The following FGF14 variants were observed in gnomAD, a reference collection of about 807,000 sequenced individuals.
The protein encoded by FGF14 is fibroblast growth factor 14, also known as fibroblast growth factor homologous factor 4.
In FGF14, 5 loss-of-function variants were observed where a neutral mutation model predicts 25.5. That is an observed-to-expected ratio of 0.20 (90% CI 0.10 to 0.41). The LOEUF (loss-of-function observed/expected upper bound fraction) is 0.41, where lower values mean the gene tolerates loss of function less well. FGF14 is among the 10% of genes least tolerant of loss of function. The probability of loss-of-function intolerance (pLI) is 1.00; values close to 1 mark genes in which losing one functional copy is unlikely to be tolerated. For synonymous variants in FGF14, 138 were observed against 118.3 expected (o/e 1.17, Z -1.08); for missense variants, 222 against 320.1 (o/e 0.69, Z 2.34).
intron 1 of FGF14, among the ~76,000 whole-genome samples, chr13:102,361,123 T>A (rs976115869): frequency 1.3e-5 from 2 of 152,170 alleles, no homozygotes; most frequent in Non-Finnish European, 2.9e-5. Context: ...AGTTATATAA[T>A]ACAGCAATAT....
chr13:102,063,988 T>A (rs1158252717), intron 1 of FGF14, among the ~76,000 whole-genome samples: 3 of 152,218 alleles, frequency 2.0e-5, no homozygotes, highest in Non-Finnish European at 4.4e-5. Context: ...CCATACTTGC[T>A]ATAATTAAAA....
intron 3 of FGF14, among the ~76,000 whole-genome samples, chr13:101,835,154 T>C (rs565959770): frequency 1.3e-5 from 2 of 152,056 alleles, no homozygotes; most frequent in African/African-American, 4.8e-5. Flanking sequence ...GATTGATACA[T>C]TGGAGTTGGA....
chr13:101,893,679 T>C (rs1401950601), intron 1 of FGF14, among the ~76,000 whole-genome samples: 4 of 152,172 alleles, frequency 2.6e-5, no homozygotes, highest in Non-Finnish European at 5.9e-5. Flanking sequence ...ATAAGGAATG[T>C]AGATGGCCTC....
chr13:102,381,229 A>G (rs534981568), intron 1 of FGF14, among the ~76,000 whole-genome samples: 3 of 152,332 alleles, frequency 2.0e-5, no homozygotes, highest in Non-Finnish European at 2.9e-5. Context: ...CCATCTGTAC[A>G]TAAAAATTGC....
chr13:102,004,962 C>T (rs925037538), intron 1 of FGF14, among the ~76,000 whole-genome samples: 10 of 152,156 alleles, frequency 6.6e-5, no homozygotes, highest in Non-Finnish European at 1.2e-4. Context: ...TTAATTAAAC[C>T]TCTTTCCTTT....
Position 102,012,186 on chromosome 13 carries a change from A to G in FGF14, c.209-136890T>C, listed in dbSNP as rs10508081. Among the ~76,000 whole-genome samples, 491 of 152,274 alleles carry G rather than the reference A, an allele frequency of 3.2e-3. 12 individuals are homozygous for G. Among genetic ancestry groups the G allele is most frequent in the Admixed American group, 0.026 (404 of 15,290 alleles). ...AGTGACCTGAAAATGCCTTGTGGAA[A>G]TGGACAGAAGAGAAGGAGGGGCTGG... On this transcript the variant is annotated intron_variant, in intron 1 of 4. Coordinates refer to the FGF14 transcript ENST00000376131.
At chr13:101,941,514 G>A (rs1230725355) in intron 1 of FGF14, among the ~76,000 whole-genome samples, 1 of 152,138 alleles carries the variant, frequency 6.6e-6, no homozygotes, top group South Asian at 2.1e-4. Context: ...TAAAAGGAGA[G>A]TAACAAACTG....
intron 1 of FGF14, among the ~76,000 whole-genome samples, chr13:102,100,265 C>A (rs2044595526): frequency 6.6e-6 from 1 of 152,120 alleles, no homozygotes; most frequent in Non-Finnish European, 1.5e-5. Context: ...AAAAAGCTGC[C>A]TTTCAAGATC....
intron 1 of FGF14, chr13:102,401,438 G>A: frequency 6.2e-7 from 1 of 1,600,232 alleles, no homozygotes; most frequent in Non-Finnish European, 8.6e-7. Flanking sequence ...GTTATTATGA[G>A]GAAAAACATA....
intron 3 of FGF14, among the ~76,000 whole-genome samples, chr13:101,839,973 G>A (rs1026743422): frequency 6.6e-6 from 1 of 151,952 alleles, no homozygotes; most frequent in Non-Finnish European, 1.5e-5. Flanking sequence ...TGGCTGATCT[G>A]TTTTTGTGTC....
At chr13:101,787,072 T>G (rs557678285) in intron 3 of FGF14, among the ~76,000 whole-genome samples, 12 of 152,290 alleles carry the variant, frequency 7.9e-5, no homozygotes, top group African/African-American at 2.9e-4. Flanking sequence ...CAAGGCTAAT[T>G]CTGCTCTTTA....
intron 1 of FGF14, among the ~76,000 whole-genome samples, chr13:102,354,471 C>T (rs1160715762): frequency 6.6e-6 from 1 of 152,138 alleles, no homozygotes; most frequent in African/African-American, 2.4e-5. Context: ...AGCCTCCTAC[C>T]CACTGCAAGT....
intron 1 of FGF14, among the ~76,000 whole-genome samples, chr13:102,268,139 A>G (rs868670352): frequency 3.3e-5 from 5 of 152,152 alleles, no homozygotes; most frequent in Middle Eastern, 3.2e-3. Context: ...CCTTAAGGAC[A>G]CAAAAATGTG....
At chr13:101,780,802 CA>C in intron 3 of FGF14, among the ~76,000 whole-genome samples, 1 of 152,064 alleles carries the variant, frequency 6.6e-6, no homozygotes, top group Non-Finnish European at 1.5e-5. Flanking sequence ...AAGGGGAGAT[CA>C]GGGGCACGGA....
intron 1 of FGF14, among the ~76,000 whole-genome samples, chr13:102,105,646 TGTTTC>T (rs2044871266): frequency 6.6e-6 from 1 of 152,242 alleles, no homozygotes; most frequent in Non-Finnish European, 1.5e-5. Context: ...ACATGAAAAC[TGTTTC>T]ATTTATTTTG....
chr13:102,258,723 C>A (rs1040447665), intron 1 of FGF14, among the ~76,000 whole-genome samples: 6 of 152,116 alleles, frequency 3.9e-5, no homozygotes, highest in Non-Finnish European at 8.8e-5. Context: ...GTCAGAGGGG[C>A]TGCACATGAG....
At chr13:101,831,652 C>T (rs933450774) in intron 3 of FGF14, among the ~76,000 whole-genome samples, 9 of 152,066 alleles carry the variant, frequency 5.9e-5, no homozygotes, top group African/African-American at 1.9e-4. Flanking sequence ...ATTCATTATT[C>T]ACTCATTTAG....
At chr13:102,145,783 A>G (rs1053338907) in intron 1 of FGF14, among the ~76,000 whole-genome samples, 1 of 152,238 alleles carries the variant, frequency 6.6e-6, no homozygotes, top group Non-Finnish European at 1.5e-5. Flanking sequence ...ATCTTTATGC[A>G]TTTAGCACAG....
At chr13:101,792,858 A>T (rs1348133272) in intron 3 of FGF14, among the ~76,000 whole-genome samples, 1 of 152,110 alleles carries the variant, frequency 6.6e-6, no homozygotes, top group African/African-American at 2.4e-5. Context: ...TCATTTTTTA[A>T]AAAATTTGAT....
Sources: allele counts gnomAD v4.1 joint callset (sites outside exome capture counted in the v4.1 genomes callset), GRCh38; gene constraint gnomAD v4.1.1; transcripts MANE v1.5; gene names NCBI Gene and HGNC (gene_info 2026-07-23, HGNC 2026-07-21).